Variants in SLC16A10 observed in about 807,000 individuals in gnomAD.
The protein encoded by SLC16A10 is monocarboxylate transporter 10.
In SLC16A10, 27 loss-of-function variants were observed where a neutral mutation model predicts 40.0. The observed-to-expected ratio is 0.67, with a 90% CI of 0.50 to 0.93. The LOEUF is 0.93. Among genes scored for constraint, SLC16A10 ranks in the 40% least tolerant of loss-of-function variants. SLC16A10 has a pLI of 0.00. For synonymous variants in SLC16A10, 213 were observed against 249.8 expected (o/e 0.85, Z 1.39); for missense variants, 529 against 658.2 (o/e 0.80, Z 2.15).
At position 111,213,631 on chromosome 6, in the gene SLC16A10, C is replaced by T. The variant is rs192070984; in HGVS notation, c.1087-5183C>T. Among the ~76,000 whole-genome samples, 12 of 152,324 alleles carry T rather than the reference C, an allele frequency of 7.9e-5. No homozygotes were observed. In the East Asian group the frequency reaches 2.3e-3, roughly 29 times the overall value. The stretch of plus-strand genomic sequence containing the variant: ...CAGCCTAAGTAAATGATCAGAGGCT[C>T]CGTACTCAGTCTCATCTAGACTGTG... On this transcript the variant is annotated intron_variant, in intron 4 of 5. Coordinates refer to ENST00000368851, the MANE Select transcript of SLC16A10 (RefSeq NM_018593.5).
intron 3 of SLC16A10, among the ~76,000 whole-genome samples, chr6:111,191,371 A>G (rs1772988652): frequency 6.6e-6 from 1 of 152,190 alleles, no homozygotes; most frequent in South Asian, 2.1e-4. Context: ...ATGGCTGCAT[A>G]GTATTCCATG....
At chr6:111,168,822 G>C (rs1159368127) in intron 1 of SLC16A10, among the ~76,000 whole-genome samples, 1 of 152,080 alleles carries the variant, frequency 6.6e-6, no homozygotes, top group African/African-American at 2.4e-5. Context: ...CCAGTTAAAG[G>C]CTCTAAAACC....
At chr6:111,192,343 C>G (rs1390710500) in intron 3 of SLC16A10, among the ~76,000 whole-genome samples, 1 of 152,170 alleles carries the variant, frequency 6.6e-6, no homozygotes, top group African/African-American at 2.4e-5. Context: ...CAGTTCCCAA[C>G]AAATTCCTCA....
chr6:111,193,422 C>T, intron 3 of SLC16A10: 1 of 579,766 alleles, frequency 1.7e-6, no homozygotes, highest in Non-Finnish European at 2.2e-6. Flanking sequence ...TTTATCTGAC[C>T]ACTTGTTTAC....
chr6:111,210,565 T>G (rs1449165945), intron 4 of SLC16A10, among the ~76,000 whole-genome samples: 1 of 152,128 alleles, frequency 6.6e-6, no homozygotes, highest in Non-Finnish European at 1.5e-5. Context: ...GTTAGGGTGA[T>G]GCAAACAAGA....
At chr6:111,193,379 C>T (rs758804729) in intron 3 of SLC16A10, 11 of 918,628 alleles carry the variant, frequency 1.2e-5, no homozygotes, top group Middle Eastern at 1.1e-3. Context: ...TATTCACCAG[C>T]ATTCTCCTAC....
chr6:111,180,601 T>C (rs556340057), intron 3 of SLC16A10, among the ~76,000 whole-genome samples: 79 of 152,256 alleles, frequency 5.2e-4, no homozygotes, highest in African/African-American at 1.7e-3. Flanking sequence ...CAATTTTTAA[T>C]TTATTTGTCT....
At chr6:111,118,675 G>A (rs892040542) in intron 1 of SLC16A10, among the ~76,000 whole-genome samples, 10 of 114,462 alleles carry the variant, frequency 8.7e-5, no homozygotes, top group Non-Finnish European at 1.4e-4. Flanking sequence ...GTGAGCCTCC[G>A]TCTCAAAAAA....
At chr6:111,161,222 CAAAAAAAAAAAAA>C (rs57463212) in intron 1 of SLC16A10, among the ~76,000 whole-genome samples, 1 of 42,424 alleles carries the variant, frequency 2.4e-5, no homozygotes, top group East Asian at 8.8e-4. Context: ...GACAGTGTCT[CAAAAAAAAAAAAA>C]AAAAAAAAAA....
At chr6:111,176,810 A>G (rs1772692526) in intron 2 of SLC16A10, among the ~76,000 whole-genome samples, 1 of 152,208 alleles carries the variant, frequency 6.6e-6, no homozygotes, top group Non-Finnish European at 1.5e-5. Flanking sequence ...TTTTTAAAAA[A>G]TGTTTCATTG....
At chr6:111,129,057 T>C (rs928258219) in intron 1 of SLC16A10, among the ~76,000 whole-genome samples, 1 of 152,234 alleles carries the variant, frequency 6.6e-6, no homozygotes. Flanking sequence ...TTTAACATTA[T>C]GCTATAACAG....
intron 1 of SLC16A10, among the ~76,000 whole-genome samples, chr6:111,144,043 G>C (rs1772031089): frequency 1.3e-5 from 2 of 152,036 alleles, no homozygotes; most frequent in Admixed American, 1.3e-4. Flanking sequence ...CTACTCTGGT[G>C]GGGGATGTTT....
At chr6:111,214,296 C>T (rs895385140) in intron 4 of SLC16A10, among the ~76,000 whole-genome samples, 1 of 152,170 alleles carries the variant, frequency 6.6e-6, no homozygotes, top group Non-Finnish European at 1.5e-5. Context: ...ATTCCTTACT[C>T]GAATCTAACC....
At chr6:111,208,883 A>T (rs1204725856) in intron 4 of SLC16A10, among the ~76,000 whole-genome samples, 1 of 152,160 alleles carries the variant, frequency 6.6e-6, no homozygotes, top group African/African-American at 2.4e-5. Context: ...AATTTCATAG[A>T]ATATGAATTA....
At chr6:111,209,479 A>T (rs558470987) in intron 4 of SLC16A10, among the ~76,000 whole-genome samples, 10 of 152,156 alleles carry the variant, frequency 6.6e-5, no homozygotes, top group South Asian at 2.1e-4. Flanking sequence ...TTAAAAAAAA[A>T]TTTTCACCCA....
intron 1 of SLC16A10, among the ~76,000 whole-genome samples, chr6:111,158,762 T>C (rs1252565805): frequency 6.6e-6 from 1 of 152,194 alleles, no homozygotes; most frequent in African/African-American, 2.4e-5. Flanking sequence ...TATCCACTAC[T>C]CTTTACTCAG....
chr6:111,139,257 C>A (rs1442104910), intron 1 of SLC16A10, among the ~76,000 whole-genome samples: 2 of 151,662 alleles, frequency 1.3e-5, no homozygotes, highest in Non-Finnish European at 2.9e-5. Context: ...TAATTTTTTT[C>A]TTTTTCTTTC....
At chr6:111,109,136 A>G (rs979279976) in intron 1 of SLC16A10, among the ~76,000 whole-genome samples, 2 of 152,196 alleles carry the variant, frequency 1.3e-5, no homozygotes, top group South Asian at 2.1e-4. Flanking sequence ...AGTTCTGACA[A>G]TCAAACTGTA....
intron 1 of SLC16A10, among the ~76,000 whole-genome samples, chr6:111,102,439 G>C (rs1372012264): frequency 6.6e-6 from 1 of 152,146 alleles, no homozygotes; most frequent in Non-Finnish European, 1.5e-5. Flanking sequence ...TGTGTTCCCA[G>C]TTTTTGAGCC....
Sources: allele counts gnomAD v4.1 joint callset (sites outside exome capture counted in the v4.1 genomes callset), GRCh38; gene constraint gnomAD v4.1.1; transcripts MANE v1.5; gene names NCBI Gene and HGNC (gene_info 2026-07-23, HGNC 2026-07-21).